OTUD7A: variants seen among roughly 807,000 people sequenced by gnomAD.
OTUD7A encodes OTU domain-containing protein 7A.
A neutral mutation model predicts 65.7 loss-of-function variants in OTUD7A; 12 were observed. That is an observed-to-expected ratio of 0.18 (90% CI 0.12 to 0.30). The LOEUF is 0.30. Among genes scored for constraint, OTUD7A ranks in the 10% least tolerant of loss-of-function variants. The pLI is 1.00. For synonymous variants in OTUD7A, 641 were observed against 586.3 expected (o/e 1.09, Z -1.35); for missense variants, 1,148 against 1,304.8 (o/e 0.88, Z 1.85).
chr15:31,517,618 C>T (rs1183033034), intron 8 of OTUD7A, among the ~76,000 whole-genome samples: 1 of 152,208 alleles, frequency 6.6e-6, no homozygotes, highest in Non-Finnish European at 1.5e-5. Context: ...TTGGGCCCCA[C>T]ACACTGAGTT....
intron 1 of OTUD7A, among the ~76,000 whole-genome samples, chr15:31,688,970 G>C (rs1219331364): frequency 6.6e-6 from 1 of 151,942 alleles, no homozygotes; most frequent in African/African-American, 2.4e-5. Context: ...TTGTATTATT[G>C]GATAAGAAGT....
At chr15:31,550,675 C>A (rs946634909) in intron 5 of OTUD7A, among the ~76,000 whole-genome samples, 3 of 152,130 alleles carry the variant, frequency 2.0e-5, no homozygotes, top group Non-Finnish European at 4.4e-5. Context: ...AGACGGCTGG[C>A]CCCCGGAAGC....
At chr15:31,613,117 C>G (rs1437919273) in intron 3 of OTUD7A, among the ~76,000 whole-genome samples, 1 of 152,080 alleles carries the variant, frequency 6.6e-6, no homozygotes, top group Non-Finnish European at 1.5e-5. Context: ...ACAGGATCCT[C>G]ATCTCTCACC....
intron 1 of OTUD7A, among the ~76,000 whole-genome samples, chr15:31,772,144 T>C (rs35485943): frequency 0.075 from 10,990 of 146,746 alleles, 977 homozygotes; most frequent in African/African-American, 0.22. Flanking sequence ...CCCAGCTACT[T>C]GGGAGGCTGA....
intron 1 of OTUD7A, among the ~76,000 whole-genome samples, chr15:31,745,501 C>T (rs188575462): frequency 8.9e-4 from 136 of 152,256 alleles, no homozygotes; most frequent in African/African-American, 3.2e-3. Flanking sequence ...AAATAATGTA[C>T]TTCAATTCCT....
At chr15:31,523,835 C>G (rs539856860) in intron 8 of OTUD7A, among the ~76,000 whole-genome samples, 1 of 152,358 alleles carries the variant, frequency 6.6e-6, no homozygotes, top group East Asian at 1.9e-4. Context: ...GCACAAAGGC[C>G]TCTCTTGTGG....
intron 12 of OTUD7A, among the ~76,000 whole-genome samples, chr15:31,486,607 CG>C (rs10708828): frequency 0.79 from 119,576 of 152,202 alleles, 47,374 homozygotes; most frequent in East Asian, 0.9. Flanking sequence ...GGGGCAGCCC[CG>C]GACCCTCTGG....
At chr15:31,739,229 C>T (rs1894272991) in intron 1 of OTUD7A, among the ~76,000 whole-genome samples, 1 of 152,152 alleles carries the variant, frequency 6.6e-6, no homozygotes, top group Middle Eastern at 3.4e-3. Context: ...CCAACAAACA[C>T]CTGTGGATTG....
chr15:31,805,131 C>T (rs1032462656), intron 1 of OTUD7A, among the ~76,000 whole-genome samples: 4 of 152,168 alleles, frequency 2.6e-5, no homozygotes, highest in Non-Finnish European at 4.4e-5. Context: ...GGCAACAGGT[C>T]GGGTGAGTTA....
rs2041540266 is a variant in OTUD7A at position 31,505,143 on chromosome 15, C to T, written c.894-1325G>A. Among the ~76,000 whole-genome samples, 6 of 152,136 alleles carry T rather than the reference C, an allele frequency of 3.9e-5. No homozygotes were observed. The South Asian group carries it at 1.2e-3, about 32-fold the overall frequency. On this transcript the variant is annotated intron_variant, in intron 8 of 12. Coordinates refer to ENST00000307050, the MANE Select transcript of OTUD7A (RefSeq NM_001382637.1). ...GGTTATTTATAACCTGACATGTCCACCTTATTGCTGTGTCCAGTTTTTATT... is the reference window on the plus strand; with the variant it reads ...GGTTATTTATAACCTGACATGTCCATCTTATTGCTGTGTCCAGTTTTTATT...
chr15:31,667,064 G>A (rs748046685), intron 1 of OTUD7A, among the ~76,000 whole-genome samples: 10 of 152,188 alleles, frequency 6.6e-5, no homozygotes, highest in Non-Finnish European at 8.8e-5. Context: ...GTCTACCTTG[G>A]AGAAACTTCC....
At chr15:31,750,995 C>A (rs1342187550) in intron 1 of OTUD7A, among the ~76,000 whole-genome samples, 1 of 152,042 alleles carries the variant, frequency 6.6e-6, no homozygotes, top group Admixed American at 6.5e-5. Flanking sequence ...CTAGAAAATA[C>A]CCTTCTGGAC....
At chr15:31,578,599 T>C (rs935564857) in intron 3 of OTUD7A, among the ~76,000 whole-genome samples, 6 of 151,816 alleles carry the variant, frequency 4.0e-5, no homozygotes, top group Admixed American at 3.9e-4. Flanking sequence ...TCACCCAGGC[T>C]GGAGTGCCGT....
intron 1 of OTUD7A, among the ~76,000 whole-genome samples, chr15:31,723,222 C>G (rs1893790440): frequency 6.6e-6 from 1 of 152,176 alleles, no homozygotes; most frequent in African/African-American, 2.4e-5. Flanking sequence ...TGGAGGAGGC[C>G]CGGAGGCCTG....
At chr15:31,845,276 A>C (rs893895183) in intron 1 of OTUD7A, among the ~76,000 whole-genome samples, 2 of 152,164 alleles carry the variant, frequency 1.3e-5, no homozygotes, top group East Asian at 3.9e-4. Flanking sequence ...ACCTTGTTCC[A>C]TGTCCTGTAC....
chr15:31,687,099 T>C (rs1892854458), intron 1 of OTUD7A, among the ~76,000 whole-genome samples: 1 of 54,642 alleles, frequency 1.8e-5, no homozygotes. Context: ...AAGGACTTGA[T>C]TTAAATAGAA....
intron 3 of OTUD7A, among the ~76,000 whole-genome samples, chr15:31,630,423 G>T (rs199886301): frequency 1.3e-5 from 2 of 151,730 alleles, no homozygotes; most frequent in African/African-American, 4.8e-5. Flanking sequence ...TCTTAGTCCT[G>T]AGTTCTAGTT....
At chr15:31,720,649 C>G (rs1893712667) in intron 1 of OTUD7A, among the ~76,000 whole-genome samples, 1 of 152,242 alleles carries the variant, frequency 6.6e-6, no homozygotes, top group Non-Finnish European at 1.5e-5. Context: ...ATCTGCCCGC[C>G]TCAGCCTCCC....
intron 1 of OTUD7A, among the ~76,000 whole-genome samples, chr15:31,846,261 A>C (rs989315442): frequency 6.6e-6 from 1 of 152,236 alleles, no homozygotes; most frequent in Non-Finnish European, 1.5e-5. Context: ...GCTTTCCACC[A>C]GATGGGTAAG....
Sources: gnomAD v4.1 joint callset for allele counts (sites outside exome capture counted in the v4.1 genomes callset) on GRCh38, gnomAD v4.1.1 for gene constraint, MANE v1.5 for transcripts, NCBI Gene and HGNC (gene_info 2026-07-23, HGNC 2026-07-21) for gene names.